The following CCNJL variants were observed in gnomAD, a reference collection of about 807,000 sequenced individuals.
CCNJL encodes cyclin J like.
CCNJL carries 33 observed loss-of-function variants against 33.4 expected under a neutral mutation model. The observed-to-expected ratio is 0.99, with a 90% CI of 0.75 to 1.32. The LOEUF is 1.32. CCNJL is among the 40% of genes most tolerant of loss of function. CCNJL has a pLI of 0.00. For synonymous variants in CCNJL, 227 were observed against 220.9 expected (o/e 1.03, Z -0.24); for missense variants, 512 against 499.7 (o/e 1.02, Z -0.23).
At chr5:160,314,618 A>T (rs1036895921), upstream of CCNJL, among the ~76,000 whole-genome samples, 3 of 152,258 alleles carry the variant, frequency 2.0e-5, no homozygotes, top group Admixed American at 1.3e-4. Context: ...ATCTAGATAC[A>T]TCAATTATCA....
intron 1 of CCNJL, among the ~76,000 whole-genome samples, chr5:160,330,872 C>T (rs554224807): frequency 2.7e-4 from 41 of 152,262 alleles, no homozygotes; most frequent in Non-Finnish European, 4.6e-4. Flanking sequence ...CCATGTTGGC[C>T]GGGCTAGTCT....
Position 160,280,746 on chromosome 5 carries a change from A to T in CCNJL, c.67-8T>A. 1 of 1,582,468 alleles carries T rather than the reference A, an allele frequency of 6.3e-7. No individual in the cohort carries two copies. The highest frequency in any genetic ancestry group is 8.6e-7 in the Non-Finnish European group (1 of 1,162,724). On this transcript the variant is annotated splice_region_variant and splice_polypyrimidine_tract_variant and intron_variant, in intron 2 of 5. Coordinates refer to ENST00000257536, the MANE Select transcript of CCNJL (RefSeq NM_001308173.3). Reference sequence around the variant, plus strand: ...GGTGGGCAGCTTCAGTTCCTGGAGGACAGGCGGGGCGGAGGGGTGACGGTC... The same window carrying T: ...GGTGGGCAGCTTCAGTTCCTGGAGGTCAGGCGGGGCGGAGGGGTGACGGTC...
chr5:160,296,892 A>G (rs753839711), intron 2 of CCNJL, among the ~76,000 whole-genome samples: 2 of 152,186 alleles, frequency 1.3e-5, no homozygotes, highest in African/African-American at 4.8e-5. Context: ...TCTTTGGTAT[A>G]GCGGTAGGAG....
chr5:160,299,007 C>T (rs1762835427), intron 2 of CCNJL, among the ~76,000 whole-genome samples: 1 of 152,068 alleles, frequency 6.6e-6, no homozygotes, highest in African/African-American at 2.4e-5. Context: ...GAGACAGAGT[C>T]TTGATCTGTC....
chr5:160,295,734 C>T (rs1318590831), intron 2 of CCNJL, among the ~76,000 whole-genome samples: 3 of 152,158 alleles, frequency 2.0e-5, no homozygotes, highest in Non-Finnish European at 4.4e-5. Context: ...ATGCCAGCTG[C>T]TGCCAAATGA....
rs540158833 is a variant in CCNJL at position 160,253,229 on chromosome 5, C to T, written c.*149G>A. On this transcript the variant is annotated 3_prime_UTR_variant, in exon 6 of 6. Coordinates refer to ENST00000257536, the MANE Select transcript of CCNJL (RefSeq NM_001308173.3). The stretch of plus-strand genomic sequence containing the variant: ...TGTTATTGAATGTTTTGCTCTGGGT[C>T]AGTTTTATTTAAAAGGAGCACAGAC... 17 of 635,576 alleles carry T rather than the reference C, an allele frequency of 2.7e-5. No individual in the cohort carries two copies. Among genetic ancestry groups the T allele is most frequent in the Non-Finnish European group, 4.3e-5 (17 of 397,904 alleles). 39.4% of individuals were successfully genotyped at this position (635,576 alleles called of 1,614,324 possible).
chr5:160,285,006 C>G (rs1415253093), intron 2 of CCNJL, among the ~76,000 whole-genome samples: 1 of 152,006 alleles, frequency 6.6e-6, no homozygotes, highest in African/African-American at 2.4e-5. Flanking sequence ...GGGTGGATCA[C>G]TTGAGGTCAG....
chr5:160,315,356 C>CAT (rs1329135662), upstream of CCNJL: 2 of 340,180 alleles, frequency 5.9e-6, no homozygotes, highest in African/African-American at 4.6e-5. Context: ...CACACACACA[C>CAT]ACTAGCCAGG....
At chr5:160,282,970 T>TATAC (rs1429566574) in intron 2 of CCNJL, among the ~76,000 whole-genome samples, 11 of 41,110 alleles carry the variant, frequency 2.7e-4, no homozygotes, top group African/African-American at 8.4e-4. Flanking sequence ...CCTTGGAATA[T>TATAC]ATATATATAT....
intron 2 of CCNJL, among the ~76,000 whole-genome samples, chr5:160,292,166 A>T (rs1355395137): frequency 6.6e-6 from 1 of 152,216 alleles, no homozygotes; most frequent in African/African-American, 2.4e-5. Context: ...GCAAGGAAGG[A>T]CACAGCCTTC....
intron 2 of CCNJL, among the ~76,000 whole-genome samples, chr5:160,283,209 T>C (rs1762299051): frequency 6.6e-6 from 1 of 151,618 alleles, no homozygotes; most frequent in Non-Finnish European, 1.5e-5. Context: ...GGGTGAATCT[T>C]GAAAACATTA....
intron 3 of CCNJL, among the ~76,000 whole-genome samples, chr5:160,272,606 G>A (rs1043015407): frequency 5.9e-5 from 9 of 152,180 alleles, no homozygotes; most frequent in Non-Finnish European, 1.2e-4. Context: ...ATAGTTTATT[G>A]TTTAGGTAGA....
chr5:160,284,380 A>T lies in CCNJL; in HGVS notation c.67-3642T>A, dbSNP rs139121304. On this transcript the variant is annotated intron_variant, in intron 2 of 5. Transcript: ENST00000257536. The stretch of plus-strand genomic sequence containing the variant: ...AAAAATTAAAATAAAATAAAAGTGA[A>T]TTTTATGATATGTGAATTGTTATAT... Among the ~76,000 whole-genome samples, 358 of 152,240 alleles carry T rather than the reference A, an allele frequency of 2.4e-3. 1 individual carries two copies. Among genetic ancestry groups the T allele is most frequent in the Non-Finnish European group, 4.5e-3 (303 of 68,020 alleles).
intron 1 of CCNJL, among the ~76,000 whole-genome samples, chr5:160,334,898 G>A (rs1763664341): frequency 6.6e-6 from 1 of 152,242 alleles, no homozygotes; most frequent in Non-Finnish European, 1.5e-5. Flanking sequence ...CTGCTGTACA[G>A]TTCAGTGACA....
In CCNJL at chr5:160,253,667, G is replaced by A. The variant is rs757655932; in HGVS notation, c.875C>T (p.Ala292Val). ...GGTCTGGAACTGTGCCAGGGTGGTC[G>A]CTGGCTGGCCGAGGGCCGGGTAGGC... is the stretch of plus-strand genomic sequence containing the variant. ...PPAYPALGQP[A>V]TTLAQFQTPV... The change falls in exon 6 of 6, where the codon GCG becomes GTG. Residue 292 changes from alanine to valine, a missense_variant. Coordinates refer to ENST00000257536, the MANE Select transcript of CCNJL (RefSeq NM_001308173.3). The A allele has an allele frequency of 1.4e-5, 22 of 1,608,642 alleles. No homozygotes were observed. The highest frequency in any genetic ancestry group is 8.0e-5 in the African/African-American group (6 of 74,838).
chr5:160,304,834 A>G lies in CCNJL; in HGVS notation c.66+7024T>C, dbSNP rs1325733099. 5.6e-5 allele frequency among the ~76,000 whole-genome samples: 5 copies of G among 89,696 alleles called. No homozygotes were observed. In the South Asian group the frequency reaches 1.7e-3, roughly 30 times the overall value. The allele number at this position is 89,696 out of a possible 152,430, so 58.8% of individuals were successfully genotyped here. A position where few individuals can be genotyped will look rare whatever the true frequency, so the allele number is the denominator to read the frequency against. ...CACTACTTTCTTTCTTTTTTTTTTT[A>G]GAGGAAATCTCGCTCTGTCACCAGG... On this transcript the variant is annotated intron_variant, in intron 2 of 5. Coordinates refer to ENST00000257536, the MANE Select transcript of CCNJL (RefSeq NM_001308173.3).
At chr5:160,321,139 A>G (rs1400183081) in intron 1 of CCNJL, among the ~76,000 whole-genome samples, 1 of 148,076 alleles carries the variant, frequency 6.8e-6, no homozygotes, top group East Asian at 2.0e-4. Context: ...TGGGCGACAC[A>G]CCACATCAGC....
upstream of CCNJL, among the ~76,000 whole-genome samples, chr5:160,313,268 CCTT>C (rs1280901972): frequency 6.6e-6 from 1 of 152,174 alleles, no homozygotes; most frequent in Non-Finnish European, 1.5e-5. Context: ...ATTGGGCTAT[CCTT>C]CTTGGCTGAT....
intron 2 of CCNJL, among the ~76,000 whole-genome samples, chr5:160,285,677 C>A (rs1190027851): frequency 2.0e-5 from 3 of 152,254 alleles, no homozygotes; most frequent in Non-Finnish European, 2.9e-5. Flanking sequence ...CAAAGCCACA[C>A]AAGTGTCCCA....
Sources: allele counts gnomAD v4.1 joint callset (sites outside exome capture counted in the v4.1 genomes callset), GRCh38; gene constraint gnomAD v4.1.1; transcripts MANE v1.5; gene names NCBI Gene and HGNC (gene_info 2026-07-23, HGNC 2026-07-21).